HFM1: variants seen among roughly 807,000 people sequenced by gnomAD.
The protein encoded by HFM1 is probable ATP-dependent DNA helicase HFM1.
In HFM1, 169 loss-of-function variants were observed where a neutral mutation model predicts 192.1. The observed-to-expected ratio is 0.88, with a 90% CI of 0.78 to 1.00. The LOEUF (loss-of-function observed/expected upper bound fraction) is 1.00, where lower values mean the gene tolerates loss of function less well. Ranked by LOEUF, HFM1 falls within the 50% of genes least tolerant of loss-of-function variation. The pLI, the probability that HFM1 is intolerant of heterozygous loss-of-function variation, is 0.00. For missense variants in HFM1, 1,661 were observed against 1,668.0 expected, an observed-to-expected ratio of 1.00 and a Z score of 0.07; for synonymous variants, 525 against 537.8, an observed-to-expected ratio of 0.98 and a Z score of 0.33.
chr1:91,397,001 G>C (rs1663742013), intron 2 of HFM1, among the ~76,000 whole-genome samples: 1 of 152,278 alleles, frequency 6.6e-6, no homozygotes, highest in East Asian at 1.9e-4. Context: ...CTGTACATGA[G>C]AGGGCTCTAG....
At chr1:91,294,677 T>TC (rs1374177229) in intron 30 of HFM1, among the ~76,000 whole-genome samples, 1 of 152,200 alleles carries the variant, frequency 6.6e-6, no homozygotes, top group Admixed American at 6.5e-5. Context: ...ATCTGGCCTT[T>TC]TAGGAAAGTT....
chr1:91,369,325 C>G (rs1236069148), intron 13 of HFM1, among the ~76,000 whole-genome samples: 1 of 152,106 alleles, frequency 6.6e-6, no homozygotes. Context: ...CACACCTATT[C>G]CAAAATTGAC....
intron 34 of HFM1, among the ~76,000 whole-genome samples, chr1:91,271,699 A>G (rs890020542): frequency 2.6e-5 from 4 of 152,084 alleles, no homozygotes; most frequent in Admixed American, 2.0e-4. Context: ...ATGGTTACAG[A>G]TGGATGCAGA....
intron 19 of HFM1, among the ~76,000 whole-genome samples, chr1:91,344,667 T>G (rs1655872842): frequency 6.6e-6 from 1 of 151,738 alleles, no homozygotes; most frequent in Admixed American, 6.6e-5. Context: ...AATGACTGTG[T>G]AATTTTAAAT....
At chr1:91,269,320 T>C (rs530675300) in intron 34 of HFM1, among the ~76,000 whole-genome samples, 1 of 152,018 alleles carries the variant, frequency 6.6e-6, no homozygotes, top group African/African-American at 2.4e-5. Flanking sequence ...AAGTGATGAG[T>C]TTTGAGTATT....
chr1:91,289,400 T>A (rs1668441417), intron 30 of HFM1, among the ~76,000 whole-genome samples: 1 of 151,460 alleles, frequency 6.6e-6, no homozygotes, highest in Non-Finnish European at 1.5e-5. Flanking sequence ...GCAGAAGGGC[T>A]CCTCACATCC....
intron 33 of HFM1, 27 bp from the exon 34 acceptor site, chr1:91,273,842 G>T: frequency 1.6e-6 from 2 of 1,223,594 alleles, no homozygotes; most frequent in South Asian, 1.3e-5. Context: ...CCATGAAAAT[G>T]TTAAAGAAAA....
intron 20 of HFM1, chr1:91,328,997 G>T (rs1653372174): frequency 1.2e-6 from 2 of 1,612,602 alleles, no homozygotes; most frequent in East Asian, 4.5e-5. Context: ...GCCAATCCAG[G>T]AATTCCACCT....
At chr1:91,344,484 G>A (rs1655839589) in intron 19 of HFM1, among the ~76,000 whole-genome samples, 1 of 152,110 alleles carries the variant, frequency 6.6e-6, no homozygotes, top group South Asian at 2.1e-4. Flanking sequence ...AATGAAAAAT[G>A]CTTACTTTAC....
Position 91,261,360 on chromosome 1 carries a change from C to A in HFM1, c.4239-1G>T. Reference sequence around the variant, plus strand: ...AGCTTCATCATCAGGATGATACATACTGGGAGAAAGAAGAAAAAGTAAAAA... The same window carrying A: ...AGCTTCATCATCAGGATGATACATAATGGGAGAAAGAAGAAAAAGTAAAAA... On this transcript the variant is annotated splice_acceptor_variant, in intron 38 of 38. Transcript: ENST00000370425. LOFTEE classifies it high-confidence loss of function. 7.3e-7 allele frequency: 1 copy of A among 1,362,156 alleles called. No homozygotes were observed. Among genetic ancestry groups the A allele is most frequent in the Non-Finnish European group, 9.7e-7 (1 of 1,035,192 alleles). 84.4% of individuals were successfully genotyped at this position (1,362,156 alleles called of 1,614,324 possible). A position where few individuals can be genotyped will look rare whatever the true frequency, so the allele number is the denominator to read the frequency against.
In HFM1 at chr1:91,382,011, C is replaced by A. The variant is rs549530374; in HGVS notation, c.803-1029G>T. On this transcript the variant is annotated intron_variant, in intron 6 of 38. Transcript: ENST00000370425. ...CACTCCCTCCCCGCATCAGCCCCTGCCTTTATCTCTCTGACATCATGTCCT... is the reference window on the plus strand; with the variant it reads ...CACTCCCTCCCCGCATCAGCCCCTGACTTTATCTCTCTGACATCATGTCCT... Among the ~76,000 whole-genome samples the A allele has an allele frequency of 4.9e-4, 75 of 152,206 alleles. 2 individuals carry two copies. The South Asian group carries it at 0.015, about 31-fold the overall frequency.
intron 30 of HFM1, among the ~76,000 whole-genome samples, chr1:91,297,362 C>T (rs143597290): frequency 1.7e-3 from 257 of 152,272 alleles, no homozygotes; most frequent in South Asian, 7.3e-3. Context: ...TCCACCTCTA[C>T]GGGCAGGGCA....
intron 6 of HFM1, among the ~76,000 whole-genome samples, chr1:91,384,204 T>C (rs1252714363): frequency 6.6e-6 from 1 of 152,230 alleles, no homozygotes; most frequent in Non-Finnish European, 1.5e-5. Flanking sequence ...TTACTTTACC[T>C]GCCTTACTTT....
At chr1:91,374,804 G>A (rs1280732916) in intron 13 of HFM1, among the ~76,000 whole-genome samples, 1 of 152,068 alleles carries the variant, frequency 6.6e-6, no homozygotes, top group African/African-American at 2.4e-5. Flanking sequence ...CATAAATGTG[G>A]GAATTCATAG....
At chr1:91,392,112 G>A (rs1351966593) in intron 4 of HFM1, among the ~76,000 whole-genome samples, 1 of 152,140 alleles carries the variant, frequency 6.6e-6, no homozygotes, top group Non-Finnish European at 1.5e-5. Context: ...TGCTGGAGAG[G>A]ATGTGGAGAA....
At chr1:91,327,715 A>C (rs1653125516) in intron 20 of HFM1, among the ~76,000 whole-genome samples, 1 of 152,218 alleles carries the variant, frequency 6.6e-6, no homozygotes, top group Non-Finnish European at 1.5e-5. Flanking sequence ...TCAAGGAGAG[A>C]CCATATGTTA....
At chr1:91,315,491 C>A (rs1213320065) in intron 28 of HFM1, among the ~76,000 whole-genome samples, 1 of 152,060 alleles carries the variant, frequency 6.6e-6, no homozygotes, top group Non-Finnish European at 1.5e-5. Context: ...AAGACTGCAT[C>A]CAAACAGTAG....
intron 30 of HFM1, among the ~76,000 whole-genome samples, chr1:91,291,127 T>C (rs1406957658): frequency 6.6e-6 from 1 of 151,712 alleles, no homozygotes; most frequent in Non-Finnish European, 1.5e-5. Flanking sequence ...CACCCTAACA[T>C]CACAATTAAA....
At chr1:91,344,142 A>G (rs1263719389) in intron 19 of HFM1, among the ~76,000 whole-genome samples, 1 of 152,210 alleles carries the variant, frequency 6.6e-6, no homozygotes, top group Non-Finnish European at 1.5e-5. Context: ...GACAGGAAGC[A>G]ATGCTAGTTC....
Sources: gnomAD v4.1 joint callset for allele counts (sites outside exome capture counted in the v4.1 genomes callset) on GRCh38, gnomAD v4.1.1 for gene constraint, MANE v1.5 for transcripts, NCBI Gene and HGNC (gene_info 2026-07-23, HGNC 2026-07-21) for gene names.